HS3ST5: variants seen among roughly 807,000 people sequenced by gnomAD.
HS3ST5 encodes the protein heparan sulfate glucosamine 3-O-sulfotransferase 5.
Under a neutral mutation model 25.4 loss-of-function variants are expected in HS3ST5, and 10 were observed. The ratio of observed to expected loss-of-function variants is 0.39; its 90% confidence interval spans 0.24 to 0.67. HS3ST5 has a LOEUF of 0.67. Among genes scored for constraint, HS3ST5 ranks in the 30% least tolerant of loss-of-function variants. HS3ST5 has a pLI of 0.44. For missense variants in HS3ST5, 324 were observed against 420.7 expected, an observed-to-expected ratio of 0.77 and a Z score of 2.01; for synonymous variants, 170 against 162.4, an observed-to-expected ratio of 1.05 and a Z score of -0.36.
intron 3 of HS3ST5, among the ~76,000 whole-genome samples, chr6:114,088,618 G>C (rs1305689508): frequency 6.6e-6 from 1 of 152,022 alleles, no homozygotes; most frequent in Admixed American, 6.6e-5. Context: ...ATCTGCATAT[G>C]CCTTCACAAA....
At chr6:114,110,942 AC>A (rs1776235288) in intron 3 of HS3ST5, among the ~76,000 whole-genome samples, 1 of 152,200 alleles carries the variant, frequency 6.6e-6, no homozygotes, top group Non-Finnish European at 1.5e-5. Flanking sequence ...TAAGAATATC[AC>A]TGTGAAAATT....
intron 1 of HS3ST5, among the ~76,000 whole-genome samples, chr6:114,265,176 C>G (rs1422524888): frequency 1.3e-5 from 2 of 152,216 alleles, no homozygotes; most frequent in African/African-American, 4.8e-5. Flanking sequence ...TAAGCCACCT[C>G]CCGGCCAGGA....
chr6:114,090,281 G>A (rs1775055024), intron 3 of HS3ST5, among the ~76,000 whole-genome samples: 1 of 152,150 alleles, frequency 6.6e-6, no homozygotes, highest in Non-Finnish European at 1.5e-5. Context: ...AGATGTGACT[G>A]ACATAATTTG....
chr6:114,325,963 T>C (rs58800329), intron 1 of HS3ST5, among the ~76,000 whole-genome samples: 9,634 of 152,286 alleles, frequency 0.063, 549 homozygotes, highest in African/African-American at 0.15. Flanking sequence ...CAAAAATTCT[T>C]GCCTTCAGTG....
At position 114,057,718 on chromosome 6, in the gene HS3ST5, T is replaced by C. The variant is rs1285525413; in HGVS notation, c.580A>G (p.Thr194Ala). 6.2e-7 allele frequency: 1 copy of C among 1,614,010 alleles called. No homozygotes were observed. The highest frequency in any genetic ancestry group is 1.3e-5 in the African/African-American group (1 of 74,882). The change falls in exon 5 of 5, where the codon ACT becomes GCT. Residue 194 changes from threonine (T) to alanine (A), a missense_variant. Transcript: ENST00000312719. ...CTCTCCTTCCCCTCTAGCACCTGAG[T>C]ATAATCAGAAATAGCTCTTGTGGTT... ...EPTTRAISDYTQVLEGKERKN... is the reference protein window; with the variant it reads ...EPTTRAISDYAQVLEGKERKN...
At chr6:114,212,677 G>C (rs1409558571) in intron 2 of HS3ST5, among the ~76,000 whole-genome samples, 1 of 152,182 alleles carries the variant, frequency 6.6e-6, no homozygotes, top group East Asian at 1.9e-4. Flanking sequence ...AACATTTAAA[G>C]CAGTTAACTC....
intron 1 of HS3ST5, among the ~76,000 whole-genome samples, chr6:114,305,394 A>G (rs1161130055): frequency 6.6e-6 from 1 of 152,084 alleles, no homozygotes; most frequent in East Asian, 1.9e-4. Context: ...TCACTATGTT[A>G]TTTTTCAGAA....
intron 3 of HS3ST5, among the ~76,000 whole-genome samples, chr6:114,106,171 GATA>G (rs903489846): frequency 6.6e-6 from 1 of 152,042 alleles, no homozygotes; most frequent in Admixed American, 6.5e-5. Context: ...AAGTTTTCAA[GATA>G]ATGAGATTCC....
chr6:114,136,117 A>G (rs1420049347), intron 3 of HS3ST5, among the ~76,000 whole-genome samples: 1 of 152,232 alleles, frequency 6.6e-6, no homozygotes, highest in Non-Finnish European at 1.5e-5. Flanking sequence ...TGTCTAACTC[A>G]TTAGATTACA....
chr6:114,142,876 C>T (rs374312105), intron 3 of HS3ST5: 4 of 152,212 alleles, frequency 2.6e-5, no homozygotes, highest in South Asian at 2.1e-4. Flanking sequence ...TCTCACCTCA[C>T]TCACCAATTC....
chr6:114,333,393 AGTAATG>A, intron 1 of HS3ST5, among the ~76,000 whole-genome samples: 1 of 152,330 alleles, frequency 6.6e-6, no homozygotes, highest in South Asian at 2.1e-4. Flanking sequence ...ACCTTAAAAA[AGTAATG>A]GTGTATAAAA....
intron 1 of HS3ST5, among the ~76,000 whole-genome samples, chr6:114,320,398 T>C (rs1314909296): frequency 6.6e-6 from 1 of 152,140 alleles, no homozygotes; most frequent in Non-Finnish European, 1.5e-5. Context: ...CTTCTGTATC[T>C]ACTCAGTGTC....
At chr6:114,319,011 A>G (rs1277541060) in intron 1 of HS3ST5, among the ~76,000 whole-genome samples, 1 of 151,954 alleles carries the variant, frequency 6.6e-6, no homozygotes, top group East Asian at 1.9e-4. Flanking sequence ...TTTGCAAAAA[A>G]CAAAACAAAA....
intron 1 of HS3ST5, among the ~76,000 whole-genome samples, chr6:114,265,580 G>A (rs1179333060): frequency 6.6e-6 from 1 of 152,142 alleles, no homozygotes; most frequent in Admixed American, 6.5e-5. Context: ...TGGGAAAACC[G>A]AAGGAGGCAA....
intron 1 of HS3ST5, among the ~76,000 whole-genome samples, chr6:114,279,671 G>A (rs1224532169): frequency 1.3e-5 from 2 of 151,884 alleles, no homozygotes; most frequent in Non-Finnish European, 2.9e-5. Context: ...CCCCGGTATG[G>A]CTGGATTTAC....
At position 114,057,481 on chromosome 6, in the gene HS3ST5, G is replaced by A; in HGVS notation, c.817C>T (p.Leu273=). 6.2e-7 allele frequency: 1 copy of A among 1,614,124 alleles called. No homozygotes were observed. Among genetic ancestry groups the A allele is most frequent in the South Asian group, 1.1e-5 (1 of 91,074 alleles). The part of the protein sequence containing the change: ...LPELQLVEKF[L]NLPPRISQYN... ...TGACTTATCCTTGGAGGCAGATTTA[G>A]GAACTTCTCCACGAGCTGAAGTTCT... The change falls in exon 5 of 5, where the codon CTA becomes TTA. Residue 273 remains leucine (L), a synonymous_variant. Transcript: ENST00000312719.
chr6:114,315,801 T>A (rs930939405), intron 1 of HS3ST5, among the ~76,000 whole-genome samples: 74 of 152,186 alleles, frequency 4.9e-4, no homozygotes, highest in African/African-American at 1.7e-3. Flanking sequence ...AGAGAAAAAA[T>A]TTTTTTTCTT....
At chr6:114,280,995 A>G (rs941934009) in intron 1 of HS3ST5, among the ~76,000 whole-genome samples, 1 of 152,022 alleles carries the variant, frequency 6.6e-6, no homozygotes, top group Non-Finnish European at 1.5e-5. Flanking sequence ...GGCTTATAAG[A>G]AAGATAAGCC....
intron 3 of HS3ST5, among the ~76,000 whole-genome samples, chr6:114,134,097 A>C (rs1777478346): frequency 6.6e-6 from 1 of 152,160 alleles, no homozygotes; most frequent in African/African-American, 2.4e-5. Context: ...GAGTACATTG[A>C]GTCAAGAAAC....
Sources: allele counts gnomAD v4.1 joint callset (sites outside exome capture counted in the v4.1 genomes callset), GRCh38; gene constraint gnomAD v4.1.1; transcripts MANE v1.5; gene names NCBI Gene and HGNC (gene_info 2026-07-23, HGNC 2026-07-21).